Variants in ANGEL1 observed in about 807,000 individuals in gnomAD.
The protein encoded by ANGEL1 is angel homolog 1, also known as RNA 2',3'-cyclic phosphatase ANGEL1.
A neutral mutation model predicts 76.4 loss-of-function variants in ANGEL1; 62 were observed. The observed-to-expected ratio is 0.81, with a 90% CI of 0.66 to 1.00. The LOEUF (loss-of-function observed/expected upper bound fraction) is 1.00, where lower values mean the gene tolerates loss of function less well. ANGEL1 is among the 50% of genes least tolerant of loss of function. The pLI is 0.00. For missense variants in ANGEL1, 737 were observed against 836.7 expected, an observed-to-expected ratio of 0.88 and a Z score of 1.47; for synonymous variants, 340 against 331.7, an observed-to-expected ratio of 1.03 and a Z score of -0.27.
At chr14:76,797,690 G>A (rs1595298758) in intron 7 of ANGEL1, among the ~76,000 whole-genome samples, 2 of 152,356 alleles carry the variant, frequency 1.3e-5, no homozygotes, top group African/African-American at 2.4e-5. Context: ...CCTTTGCTGT[G>A]TGACTGTGTG....
At chr14:76,808,412 A>G (rs539009442) in intron 2 of ANGEL1, among the ~76,000 whole-genome samples, 2 of 152,258 alleles carry the variant, frequency 1.3e-5, no homozygotes, top group East Asian at 3.9e-4. Flanking sequence ...ATGGAAGCTG[A>G]CACACTCTCA....
intron 8 of ANGEL1, 104 bp from the exon 9 acceptor site, chr14:76,790,878 A>C: frequency 2.1e-6 from 3 of 1,414,932 alleles, no homozygotes; most frequent in Non-Finnish European, 2.8e-6. Context: ...GGATGATCTC[A>C]GATGACTCAA....
At chr14:76,797,595 G>A (rs767518384) in intron 7 of ANGEL1, among the ~76,000 whole-genome samples, 20 of 151,930 alleles carry the variant, frequency 1.3e-4, no homozygotes, top group African/African-American at 3.1e-4. Flanking sequence ...GTGAGACTCC[G>A]TCTCGAAAAA....
Position 76,812,860 on chromosome 14 carries a change from C to A in ANGEL1, c.-33G>T. On this transcript the variant is annotated 5_prime_UTR_variant, in exon 1 of 10. Transcript: ENST00000251089. Reference sequence around the variant, plus strand: ...CGCCCGCGCCCGCCTCCGCTCCTCACTGCAGCCAGCAGGTCCTCCCTCAGC... The same window carrying A: ...CGCCCGCGCCCGCCTCCGCTCCTCAATGCAGCCAGCAGGTCCTCCCTCAGC... The A allele has an allele frequency of 1.3e-6, 2 of 1,490,762 alleles. No homozygotes were observed. The highest frequency in any genetic ancestry group is 1.8e-6 in the Non-Finnish European group (2 of 1,122,708). 92.3% of individuals were successfully genotyped at this position (1,490,762 alleles called of 1,614,324 possible). A position where few individuals can be genotyped will look rare whatever the true frequency, so the allele number is the denominator to read the frequency against.
rs1303255177 is a variant in ANGEL1 at position 76,791,327 on chromosome 14, T to A, written c.1658A>T (p.Asp553Val). The A allele has an allele frequency of 5.0e-6, 8 of 1,613,952 alleles. No individual in the cohort carries two copies. Among genetic ancestry groups the A allele is most frequent in the Non-Finnish European group, 5.9e-6 (7 of 1,179,994 alleles). The change falls in exon 8 of 10, where the codon GAT (aspartate) becomes GTT (valine). Residue 553 changes from aspartate to valine, a missense_variant. Physicochemically the swap from Asp to Val is radical, Grantham distance 152. This residue lies in a region of ANGEL1 where 296 missense variants were observed against 387.2 expected (regional missense o/e 0.76). Transcript: ENST00000251089. ...AGWAESVLEE[D>V]ASELEPAFSR... ...GAAGGCAGGCTCAAGCTCCGATGCA[T>A]CTTCCTCAAGGACAGACTCAGCCCA...
At position 76,787,538 on chromosome 14, in the gene ANGEL1, AC is replaced by A. The variant is rs1458815757; in HGVS notation, c.*1689del. On this transcript the variant is annotated 3_prime_UTR_variant, in exon 10 of 10. Transcript: ENST00000251089. Reference sequence around the variant, plus strand: ...AGACAGACCTGGGGCTCAGACAGGCACATGCCCAGTACCCAGGAAACAAAGT... The same window carrying A: ...AGACAGACCTGGGGCTCAGACAGGCAATGCCCAGTACCCAGGAAACAAAGT... The A allele has an allele frequency of 6.5e-6, 1 of 152,702 alleles. No individual in the cohort carries two copies. The highest frequency in any genetic ancestry group is 1.5e-5 in the Non-Finnish European group (1 of 68,088). 9.5% of individuals were successfully genotyped at this position (152,702 alleles called of 1,614,324 possible). A position where few individuals can be genotyped will look rare whatever the true frequency, so the allele number is the denominator to read the frequency against.
intron 1 of ANGEL1, among the ~76,000 whole-genome samples, chr14:76,811,029 A>G (rs1895068003): frequency 6.6e-6 from 1 of 152,180 alleles, no homozygotes. Context: ...GTCTATGTAT[A>G]TTTATGTCCT....
chr14:76,806,275 G>T, intron 5 of ANGEL1, 141 bp downstream of exon 5: 4 of 857,538 alleles, frequency 4.7e-6, no homozygotes, highest in Admixed American at 3.0e-5. Context: ...TTGGGTACAA[G>T]CTATTCAACA....
chr14:76,808,202 C>T, intron 2 of ANGEL1, 54 bp from the exon 3 acceptor site: 2 of 1,465,628 alleles, frequency 1.4e-6, no homozygotes, highest in Non-Finnish European at 1.9e-6. Flanking sequence ...TGCAGAGGTG[C>T]TGCCATCTCC....
intron 6 of ANGEL1, 103 bp from the exon 7 acceptor site, chr14:76,803,584 C>T (rs1388171249): frequency 5.2e-6 from 7 of 1,357,832 alleles, no homozygotes; most frequent in African/African-American, 1.5e-5. Context: ...ACAGAGGAAG[C>T]ATTCAGAAGA....
intron 5 of ANGEL1, 26 bp downstream of exon 5, chr14:76,806,390 C>G (rs1194048697): frequency 6.3e-7 from 1 of 1,595,158 alleles, no homozygotes; most frequent in East Asian, 2.2e-5. Context: ...ATGTTCCCAC[C>G]CACACCGTGG....
rs945384161 is a variant in ANGEL1, at chr14:76,808,061, G to A, written c.737C>T (p.Thr246Ile). 2 of 1,614,138 alleles carry A rather than the reference G, an allele frequency of 1.2e-6. No homozygotes were observed. The highest frequency in any genetic ancestry group is 2.2e-5 in the South Asian group (2 of 91,082). Reference protein sequence around the residue: ...KAGDGPQFQFTLMSYNILAQD... With the variant: ...KAGDGPQFQFILMSYNILAQD... ...AGCCAGGATGTTATAAGACATCAGA[G>A]TGAACTGGAACTGAGGGCCATCTCC... Residue 246 changes from threonine to isoleucine, a missense_variant, in exon 3 of 10, where the codon ACT (threonine) becomes ATT (isoleucine). By Grantham distance (89) the Thr-to-Ile change is moderately conservative. Coordinates refer to ENST00000251089, the MANE Select transcript of ANGEL1 (RefSeq NM_015305.4).
chr14:76,794,636 A>C (rs896462869), intron 7 of ANGEL1, among the ~76,000 whole-genome samples: 2 of 150,164 alleles, frequency 1.3e-5, no homozygotes, highest in African/African-American at 4.9e-5. Flanking sequence ...ATGCCACTGC[A>C]CTCCAGCGTG....
chr14:76,804,086 C>A (rs1275814883), intron 5 of ANGEL1, 174 bp from the exon 6 acceptor site: 1 of 1,470,986 alleles, frequency 6.8e-7, no homozygotes, highest in Non-Finnish European at 9.0e-7. Context: ...CAAATTAAAA[C>A]CATTACTTTT....
At chr14:76,803,076 T>C (rs1332828146) in intron 7 of ANGEL1, among the ~76,000 whole-genome samples, 1 of 152,206 alleles carries the variant, frequency 6.6e-6, no homozygotes, top group Non-Finnish European at 1.5e-5. Flanking sequence ...CTCCCCTATA[T>C]ATGCTGTACA....
rs1895084415 is a variant in ANGEL1 at position 76,811,529 on chromosome 14, GGGGGGC to G, written c.64+1229_64+1234del. Reference sequence around the variant, plus strand: ...CTGTAATGTGTAGGTGGGGGGGCGGGGGGGGCCCTCCTCTGAGATCCCTAGAACTCT... The same window carrying G: ...CTGTAATGTGTAGGTGGGGGGGCGGGCCTCCTCTGAGATCCCTAGAACTCT... On this transcript the variant is annotated intron_variant, in intron 1 of 9. Transcript: ENST00000251089. Among the ~76,000 whole-genome samples, 35 of 139,124 alleles carry G rather than the reference GGGGGGC, an allele frequency of 2.5e-4. 1 individual carries two copies. The highest frequency in any genetic ancestry group is 2.3e-3 in the Admixed American group (31 of 13,764). 91.3% of individuals were successfully genotyped at this position (139,124 alleles called of 152,430 possible). A position where few individuals can be genotyped will look rare whatever the true frequency, so the allele number is the denominator to read the frequency against.
chr14:76,810,461 A>T lies in ANGEL1; in HGVS notation c.65-818T>A, dbSNP rs1380534920. Among the ~76,000 whole-genome samples the T allele has an allele frequency of 3.3e-5, 5 of 152,020 alleles. No individual in the cohort carries two copies. The East Asian group carries it at 5.8e-4, about 18-fold the overall frequency. On this transcript the variant is annotated intron_variant, in intron 1 of 9. Transcript: ENST00000251089. ...AAAGAAAAAAATAAATTTTAAATTT[A>T]AAAAAATAGAGACAAGTTTGAACTA...
chr14:76,812,564 G>A, intron 1 of ANGEL1, 200 bp downstream of exon 1: 3 of 1,248,072 alleles, frequency 2.4e-6, no homozygotes, highest in Non-Finnish European at 2.0e-6. Context: ...CGCCCACGAG[G>A]GACGTCGGCC....
At chr14:76,812,573 C>T (rs1052952070) in intron 1 of ANGEL1, 191 bp downstream of exon 1, 3 of 1,250,580 alleles carry the variant, frequency 2.4e-6, no homozygotes, top group Non-Finnish European at 3.0e-6. Context: ...GGGACGTCGG[C>T]CAGGTCCAGG....
Sources: allele counts gnomAD v4.1 joint callset (sites outside exome capture counted in the v4.1 genomes callset), GRCh38; gene constraint gnomAD v4.1.1; regional missense constraint gnomAD v4.1.1; transcripts MANE v1.5; gene names NCBI Gene and HGNC (gene_info 2026-07-23, HGNC 2026-07-21).